The following CSMD3 variants were observed in gnomAD, a reference collection of about 807,000 sequenced individuals.
CSMD3 encodes CUB and sushi domain-containing protein 3.
In CSMD3, 177 loss-of-function variants were observed where a neutral mutation model predicts 435.2. That is an observed-to-expected ratio of 0.41 (90% CI 0.36 to 0.46). The LOEUF (loss-of-function observed/expected upper bound fraction) is 0.46, where lower values mean the gene tolerates loss of function less well. Ranked by LOEUF, CSMD3 falls within the 20% of genes least tolerant of loss-of-function variation. CSMD3 has a pLI of 0.34. For missense variants in CSMD3, 4,265 were observed against 4,504.6 expected (o/e 0.95, Z 1.52); for synonymous variants, 1,656 against 1,520.5 (o/e 1.09, Z -2.07).
chr8:112,945,795 A>G (rs2083591457), intron 9 of CSMD3, among the ~76,000 whole-genome samples: 1 of 151,414 alleles, frequency 6.6e-6, no homozygotes, highest in South Asian at 2.1e-4. Context: ...TCTCCTATTT[A>G]CGCTCTATAA....
At chr8:112,348,249 C>G (rs62514414) in intron 40 of CSMD3, among the ~76,000 whole-genome samples, 65,287 of 152,086 alleles carry the variant, frequency 0.43, 14,665 homozygotes, top group Middle Eastern at 0.54. Flanking sequence ...GCTTCATGTA[C>G]ACTCTTTTGT....
At chr8:112,477,279 G>C (rs1045012801) in intron 31 of CSMD3, among the ~76,000 whole-genome samples, 2 of 152,076 alleles carry the variant, frequency 1.3e-5, no homozygotes, top group African/African-American at 4.8e-5. Context: ...CTATGTGAAA[G>C]ATATGTATCT....
At chr8:112,383,283 A>G (rs1336483065) in intron 37 of CSMD3, among the ~76,000 whole-genome samples, 1 of 152,210 alleles carries the variant, frequency 6.6e-6, no homozygotes, top group Non-Finnish European at 1.5e-5. Flanking sequence ...AAGAGCGTAC[A>G]TACTATTCCT....
At chr8:113,163,949 C>T (rs564175096) in intron 4 of CSMD3, among the ~76,000 whole-genome samples, 1 of 152,076 alleles carries the variant, frequency 6.6e-6, no homozygotes, top group African/African-American at 2.4e-5. Context: ...TAATGTAGCT[C>T]CTTAAATTAT....
intron 3 of CSMD3, among the ~76,000 whole-genome samples, chr8:113,275,752 T>C (rs1276659015): frequency 1.3e-5 from 2 of 151,952 alleles, no homozygotes; most frequent in South Asian, 4.1e-4. Flanking sequence ...GTAATCCCAG[T>C]GCTTTGAGAG....
intron 3 of CSMD3, among the ~76,000 whole-genome samples, chr8:113,247,805 CTT>C (rs963233769): frequency 5.0e-4 from 76 of 152,128 alleles, no homozygotes; most frequent in African/African-American, 1.8e-3. Flanking sequence ...ATTAATATAA[CTT>C]AATTAAATCA....
At chr8:112,954,077 C>T (rs2083921869) in intron 8 of CSMD3, among the ~76,000 whole-genome samples, 1 of 151,394 alleles carries the variant, frequency 6.6e-6, no homozygotes, top group African/African-American at 2.4e-5. Flanking sequence ...TTCAGTGATT[C>T]TTAATCTGAG....
At chr8:113,300,162 C>CAAAAAAAAAAA (rs34291122) in intron 2 of CSMD3, among the ~76,000 whole-genome samples, 3 of 116,604 alleles carry the variant, frequency 2.6e-5, no homozygotes, top group Admixed American at 9.3e-5. Context: ...TCAAAAAAGT[C>CAAAAAAAAAAA]AAAAAAAAAA....
At chr8:112,752,833 T>C (rs1479828702) in intron 13 of CSMD3, among the ~76,000 whole-genome samples, 1 of 152,160 alleles carries the variant, frequency 6.6e-6, no homozygotes, top group African/African-American at 2.4e-5. Context: ...AAATAGTTTA[T>C]AAATGTTTCC....
At chr8:112,383,279 G>A (rs192363191) in intron 37 of CSMD3, among the ~76,000 whole-genome samples, 7 of 152,096 alleles carry the variant, frequency 4.6e-5, no homozygotes, top group South Asian at 2.1e-4. Context: ...GGAAAAGAGC[G>A]TACATACTAT....
chr8:113,013,288 C>A (rs779663439), intron 6 of CSMD3, among the ~76,000 whole-genome samples: 11 of 152,008 alleles, frequency 7.2e-5, no homozygotes, highest in Non-Finnish European at 1.5e-4. Flanking sequence ...AGTGTTTTAT[C>A]TTTTTAACTG....
chr8:112,720,378 GA>G (rs1438848545), intron 13 of CSMD3, among the ~76,000 whole-genome samples: 1 of 151,824 alleles, frequency 6.6e-6, no homozygotes, highest in Non-Finnish European at 1.5e-5. Flanking sequence ...CAGGTTAGGG[GA>G]ATGTCACATT....
intron 32 of CSMD3, among the ~76,000 whole-genome samples, chr8:112,412,059 T>G (rs1290461280): frequency 2.0e-5 from 3 of 152,106 alleles, no homozygotes; most frequent in African/African-American, 7.2e-5. Context: ...ATCTATCTTA[T>G]CTACAGATCT....
intron 11 of CSMD3, 104 bp from the exon 12 acceptor site, chr8:112,829,893 AC>A (rs2079815138): frequency 6.3e-5 from 2 of 31,570 alleles, no homozygotes; most frequent in Admixed American, 1.2e-3. Flanking sequence ...CTGCACACAC[AC>A]ACACACACAC....
At chr8:112,442,271 C>G (rs1815109564) in intron 32 of CSMD3, among the ~76,000 whole-genome samples, 2 of 152,118 alleles carry the variant, frequency 1.3e-5, no homozygotes, top group South Asian at 4.1e-4. Flanking sequence ...ACCCAAACAC[C>G]TCCTACTATA....
chr8:112,836,836 TA>T (rs1305603343), intron 11 of CSMD3, among the ~76,000 whole-genome samples: 2 of 151,806 alleles, frequency 1.3e-5, no homozygotes, highest in African/African-American at 4.8e-5. Context: ...CAAATCGTTT[TA>T]ATAAATTCTC....
intron 9 of CSMD3, among the ~76,000 whole-genome samples, chr8:112,927,930 C>A (rs1329015402): frequency 6.6e-6 from 1 of 151,998 alleles, no homozygotes; most frequent in African/African-American, 2.4e-5. Flanking sequence ...TCACTCACTA[C>A]CTCATTCAAT....
At position 112,409,047 on chromosome 8, in the gene CSMD3, C is replaced by T. The variant is rs1832100387; in HGVS notation, c.5396-15G>A. On this transcript the variant is annotated splice_polypyrimidine_tract_variant and intron_variant, in intron 32 of 70. Coordinates refer to ENST00000297405, the MANE Select transcript of CSMD3 (RefSeq NM_198123.2). ...GCCAAACACCACTGATCAACAGGAA[C>T]CCGGAGAAGCAAACAAATCACCAAC... 1 of 1,613,036 alleles carries T rather than the reference C, an allele frequency of 6.2e-7. No individual in the cohort carries two copies. Among genetic ancestry groups the T allele is most frequent in the South Asian group, 1.1e-5 (1 of 91,044 alleles).
intron 54 of CSMD3, among the ~76,000 whole-genome samples, chr8:112,295,330 G>A (rs545559344): frequency 6.6e-6 from 1 of 152,080 alleles, no homozygotes; most frequent in African/African-American, 2.4e-5. Flanking sequence ...GAGAGCAAAG[G>A]TTCTTCATGT....
Sources: allele counts gnomAD v4.1 joint callset (sites outside exome capture counted in the v4.1 genomes callset), GRCh38; gene constraint gnomAD v4.1.1; transcripts MANE v1.5; gene names NCBI Gene and HGNC (gene_info 2026-07-23, HGNC 2026-07-21).